TMTC1: variants seen among roughly 807,000 people sequenced by gnomAD.
TMTC1 encodes the protein transmembrane O-mannosyltransferase targeting cadherins 1, also known as protein O-mannosyl-transferase TMTC1.
In TMTC1, 73 loss-of-function variants were observed where a neutral mutation model predicts 104.8. The observed-to-expected ratio is 0.70, with a 90% CI of 0.58 to 0.85. The LOEUF (loss-of-function observed/expected upper bound fraction) is 0.85, where lower values mean the gene tolerates loss of function less well. Among genes scored for constraint, TMTC1 ranks in the 40% least tolerant of loss-of-function variants. The pLI is 0.00. For synonymous variants in TMTC1, 434 were observed against 428.7 expected (o/e 1.01, Z -0.15); for missense variants, 1,035 against 1,096.1 (o/e 0.94, Z 0.79).
intron 11 of TMTC1, among the ~76,000 whole-genome samples, chr12:29,528,813 T>C (rs999511195): frequency 2.6e-5 from 4 of 152,058 alleles, no homozygotes; most frequent in African/African-American, 9.7e-5. Context: ...ATTTACTACA[T>C]TGGAAAAGAA....
intron 11 of TMTC1, among the ~76,000 whole-genome samples, chr12:29,522,846 ACTTAT>A (rs1161610667): frequency 1.3e-5 from 2 of 152,162 alleles, no homozygotes; most frequent in African/African-American, 2.4e-5. Context: ...CAACAATCAT[ACTTAT>A]CTTATAGGGT....
At chr12:29,560,370 A>G (rs1945347657) in intron 9 of TMTC1, among the ~76,000 whole-genome samples, 1 of 152,182 alleles carries the variant, frequency 6.6e-6, no homozygotes, top group Admixed American at 6.5e-5. Flanking sequence ...TATTATTTTG[A>G]TGAATTTCAT....
intron 9 of TMTC1, among the ~76,000 whole-genome samples, chr12:29,564,432 G>A (rs1338535590): frequency 2.6e-5 from 4 of 152,102 alleles, no homozygotes; most frequent in Admixed American, 6.5e-5. Context: ...GTGGAGGCAG[G>A]ACAATCTAAA....
chr12:29,505,403 C>T lies in TMTC1; in HGVS notation c.*1443G>A, dbSNP rs1199393227. On this transcript the variant is annotated 3_prime_UTR_variant, in exon 18 of 18. Coordinates refer to ENST00000539277, the MANE Select transcript of TMTC1 (RefSeq NM_001193451.2). ...AGAAACAGGTGTTCCAATTTCTTCA[C>T]TTCCAAAATATACTACTGCCAAAAA... The T allele has an allele frequency of 6.6e-6, 1 of 152,188 alleles. No individual in the cohort carries two copies. The highest frequency in any genetic ancestry group is 2.4e-5 in the African/African-American group (1 of 41,450). The allele number at this position is 152,188 out of a possible 1,614,324, so 9.4% of individuals were successfully genotyped here.
Position 29,520,502 on chromosome 12 carries a change from T to C in TMTC1, c.1888+116A>G. ...CGAGGTATAATGACTGTCAATAGTGTGAGCTTCCTGCCAAGCCCAGTGAAT... is the reference window on the plus strand; with the variant it reads ...CGAGGTATAATGACTGTCAATAGTGCGAGCTTCCTGCCAAGCCCAGTGAAT... On this transcript the variant is annotated intron_variant, in intron 12 of 17. Coordinates refer to ENST00000539277, the MANE Select transcript of TMTC1 (RefSeq NM_001193451.2). The C allele has an allele frequency of 4.8e-6, 4 of 836,928 alleles. No homozygotes were observed. The South Asian group carries it at 6.1e-5, about 13-fold the overall frequency. The allele number at this position is 836,928 out of a possible 1,614,324, so 51.8% of individuals were successfully genotyped here. A position where few individuals can be genotyped will look rare whatever the true frequency, so the allele number is the denominator to read the frequency against.
intron 5 of TMTC1, among the ~76,000 whole-genome samples, chr12:29,746,334 A>G (rs1942954924): frequency 6.6e-6 from 1 of 152,196 alleles, no homozygotes; most frequent in Non-Finnish European, 1.5e-5. Flanking sequence ...TAAAGGGGAG[A>G]AAGAGAACCC....
At chr12:29,730,004 C>T (rs958716920) in intron 5 of TMTC1, among the ~76,000 whole-genome samples, 30 of 152,116 alleles carry the variant, frequency 2.0e-4, no homozygotes, top group African/African-American at 7.2e-4. Context: ...CAGCAAGAGC[C>T]TGCTGATTAC....
intron 5 of TMTC1, among the ~76,000 whole-genome samples, chr12:29,651,850 C>T (rs183720153): frequency 3.5e-4 from 51 of 145,024 alleles, no homozygotes; most frequent in African/African-American, 1.2e-3. Flanking sequence ...AAATGAAGAA[C>T]AAAAAAGGAG....
chr12:29,549,588 A>G (rs1360477934), intron 10 of TMTC1, among the ~76,000 whole-genome samples: 1 of 152,194 alleles, frequency 6.6e-6, no homozygotes, highest in African/African-American at 2.4e-5. Flanking sequence ...TAGCCTCATG[A>G]AGGAGGCAAG....
intron 2 of TMTC1, among the ~76,000 whole-genome samples, chr12:29,760,949 T>C (rs1943332495): frequency 6.8e-6 from 1 of 147,790 alleles, no homozygotes; most frequent in African/African-American, 2.5e-5. Context: ...CATTTGCATA[T>C]ATATACTATA....
At chr12:29,534,718 A>T (rs1944595618) in intron 11 of TMTC1, 2 of 152,248 alleles carry the variant, frequency 1.3e-5, no homozygotes, top group South Asian at 2.1e-4. Context: ...AAAGTTCAAC[A>T]TCATTAAAAT....
chr12:29,725,911 T>A (rs1468838832), intron 5 of TMTC1, among the ~76,000 whole-genome samples: 1 of 152,232 alleles, frequency 6.6e-6, no homozygotes, highest in East Asian at 1.9e-4. Flanking sequence ...CTACTAATGC[T>A]ACTGCAAAGA....
chr12:29,526,527 G>A (rs1247792430), intron 11 of TMTC1, among the ~76,000 whole-genome samples: 1 of 152,042 alleles, frequency 6.6e-6, no homozygotes, highest in Non-Finnish European at 1.5e-5. Flanking sequence ...GTCTTGCTTG[G>A]GTTAGAAGTT....
rs948790225 is a variant in TMTC1 at position 29,756,023 on chromosome 12, G to A, written c.555-138C>T. ...AGCAGGTAAGTAGAGATTTCTTAAA[G>A]AGCCTTCATCCCCACAATACTGAAT... On this transcript the variant is annotated intron_variant, in intron 3 of 17. Transcript: ENST00000539277. 5 of 870,556 alleles carry A rather than the reference G, an allele frequency of 5.7e-6. No homozygotes were observed. In the African/African-American group the frequency reaches 8.5e-5, roughly 15 times the overall value. 53.9% of individuals were successfully genotyped at this position (870,556 alleles called of 1,614,324 possible).
intron 5 of TMTC1, among the ~76,000 whole-genome samples, chr12:29,709,980 A>G (rs1941854742): frequency 6.6e-6 from 1 of 152,176 alleles, no homozygotes. Flanking sequence ...GAAAATCCAT[A>G]GCACATGGGA....
chr12:29,756,190 G>A (rs1458054732), intron 3 of TMTC1, among the ~76,000 whole-genome samples: 3 of 152,130 alleles, frequency 2.0e-5, no homozygotes, highest in East Asian at 3.9e-4. Context: ...GTGAATAATC[G>A]AGTTACTAAA....
intron 10 of TMTC1, among the ~76,000 whole-genome samples, chr12:29,539,725 G>A (rs7971202): frequency 0.8 from 121,270 of 152,234 alleles, 48,557 homozygotes; most frequent in Middle Eastern, 0.88. Flanking sequence ...TGGCCTCTTA[G>A]TAGGATGCCC....
In TMTC1 at chr12:29,607,592, G is replaced by A. The variant is rs1019793762; in HGVS notation, c.1129-3293C>T. 5.3e-5 allele frequency among the ~76,000 whole-genome samples: 8 copies of A among 152,128 alleles called. No homozygotes were observed. In the South Asian group the frequency reaches 6.2e-4, roughly 12 times the overall value. ...TCATGTCAGCAAGTGGATAATGAGCGTTTTGCACACTTTGCTATGGAACTG... is the reference window on the plus strand; with the variant it reads ...TCATGTCAGCAAGTGGATAATGAGCATTTTGCACACTTTGCTATGGAACTG... On this transcript the variant is annotated intron_variant, in intron 6 of 17. Transcript: ENST00000539277.
At chr12:29,580,233 C>T (rs1945939759) in intron 8 of TMTC1, among the ~76,000 whole-genome samples, 1 of 152,080 alleles carries the variant, frequency 6.6e-6, no homozygotes, top group Admixed American at 6.6e-5. Flanking sequence ...GTGAGAAGAT[C>T]GCTTGAGTCT....
Sources: allele counts gnomAD v4.1 joint callset (sites outside exome capture counted in the v4.1 genomes callset), GRCh38; gene constraint gnomAD v4.1.1; transcripts MANE v1.5; gene names NCBI Gene and HGNC (gene_info 2026-07-23, HGNC 2026-07-21).